The following TTC28 variants were observed in gnomAD, a reference collection of about 807,000 sequenced individuals.
TTC28 encodes the protein tetratricopeptide repeat protein 28.
Under a neutral mutation model 198.0 loss-of-function variants are expected in TTC28, and 61 were observed. That is an observed-to-expected ratio of 0.31 (90% confidence interval 0.25 to 0.38). The LOEUF is 0.38. Ranked by LOEUF, TTC28 falls within the 10% of genes least tolerant of loss-of-function variation. The probability of loss-of-function intolerance (pLI) is 1.00; values close to 1 mark genes in which losing one functional copy is unlikely to be tolerated. For missense variants in TTC28, 2,678 were observed against 3,164.0 expected, an observed-to-expected ratio of 0.85 and a Z score of 3.69; for synonymous variants, 1,171 against 1,297.8, an observed-to-expected ratio of 0.90 and a Z score of 2.10.
intron 2 of TTC28, among the ~76,000 whole-genome samples, chr22:28,395,857 T>C (rs1601335254): frequency 6.6e-6 from 1 of 152,234 alleles, no homozygotes; most frequent in Non-Finnish European, 1.5e-5. Context: ...AACTATGGCT[T>C]ATCTTTCATC....
In TTC28 at chr22:28,297,820, T is replaced by C; in HGVS notation, c.562A>G (p.Lys188Glu). 6.4e-7 allele frequency: 1 copy of C among 1,551,642 alleles called. No homozygotes were observed. The highest frequency in any genetic ancestry group is 1.2e-5 in the South Asian group (1 of 84,058). Residue 188 changes from lysine to glutamate, a missense_variant, in exon 4 of 23, where the codon AAA (lysine) becomes GAA (glutamate). Physicochemically the swap from Lys to Glu is moderately conservative, Grantham distance 56. Around this residue, in one of 8 missense-constraint regions of TTC28, gnomAD observed 176 missense variants for 197.9 expected, o/e 0.89. Coordinates refer to ENST00000397906, the MANE Select transcript of TTC28 (RefSeq NM_001145418.2). Reference sequence around the variant, plus strand: ...AAGGGACTCTTGTCCAGTTTCATTTTCTGAAGCTGCTGATAAGTGGGCTCG... The same window carrying C: ...AAGGGACTCTTGTCCAGTTTCATTTCCTGAAGCTGCTGATAAGTGGGCTCG... ...SLEPTYQQLQ[K>E]MKLDKSPFVV... is the part of the protein sequence containing the mutation.
intron 2 of TTC28, among the ~76,000 whole-genome samples, chr22:28,623,043 G>A (rs1479005607): frequency 6.6e-6 from 1 of 151,906 alleles, no homozygotes. Context: ...GGCTGGTCTC[G>A]AACTCCTAAC....
intron 2 of TTC28, among the ~76,000 whole-genome samples, chr22:28,604,813 A>G (rs929580760): frequency 5.9e-5 from 9 of 152,202 alleles, no homozygotes; most frequent in African/African-American, 1.9e-4. Flanking sequence ...CAAGACTAGT[A>G]GAAACCTTTA....
chr22:28,647,719 G>GT lies in TTC28; in HGVS notation c.103-17890dup, dbSNP rs35080133. The stretch of plus-strand genomic sequence containing the variant: ...CCGGGTGTGGTGGCAGGCGCCTGTA[G>GT]TCCCAGCTACTCGGGAGGCTGAGGC... On this transcript the variant is annotated intron_variant, in intron 1 of 22. Transcript: ENST00000397906. Among the ~76,000 whole-genome samples the GT allele has an allele frequency of 2.7e-3, 403 of 151,670 alleles. 3 individuals carry two copies. The highest frequency in any genetic ancestry group is 9.4e-3 in the African/African-American group (390 of 41,334).
At chr22:28,495,304 A>G (rs2048439302) in intron 2 of TTC28, among the ~76,000 whole-genome samples, 1 of 152,178 alleles carries the variant, frequency 6.6e-6, no homozygotes, top group African/African-American at 2.4e-5. Flanking sequence ...TGAAGACAAA[A>G]AAGATTCTAT....
At chr22:28,391,703 A>T (rs1490860300) in intron 2 of TTC28, among the ~76,000 whole-genome samples, 1 of 152,090 alleles carries the variant, frequency 6.6e-6, no homozygotes, top group East Asian at 1.9e-4. Flanking sequence ...GAGCTCCTTT[A>T]AGCACTTCTC....
At chr22:28,330,481 A>C (rs2045597816) in intron 2 of TTC28, among the ~76,000 whole-genome samples, 1 of 152,166 alleles carries the variant, frequency 6.6e-6, no homozygotes, top group African/African-American at 2.4e-5. Flanking sequence ...TTTTTGCATC[A>C]ATGATGTGAC....
At chr22:28,230,865 A>C (rs1437283841) in intron 5 of TTC28, among the ~76,000 whole-genome samples, 2 of 152,214 alleles carry the variant, frequency 1.3e-5, no homozygotes, top group Non-Finnish European at 2.9e-5. Flanking sequence ...TAGGAAGTCT[A>C]ACCTCATTAC....
chr22:28,254,014 G>A (rs937994021), intron 5 of TTC28, among the ~76,000 whole-genome samples: 4 of 151,896 alleles, frequency 2.6e-5, no homozygotes, highest in African/African-American at 7.2e-5. Context: ...TGAGACAGGA[G>A]GATTGCTTGA....
chr22:28,196,018 G>A (rs4036094), intron 5 of TTC28, among the ~76,000 whole-genome samples: 1,750 of 151,756 alleles, frequency 0.012, 41 homozygotes, highest in African/African-American at 0.04. Flanking sequence ...GAGGCATCAC[G>A]CTACCTGACT....
intron 6 of TTC28, among the ~76,000 whole-genome samples, chr22:28,118,527 G>T (rs967352753): frequency 6.6e-6 from 1 of 152,032 alleles, no homozygotes; most frequent in Non-Finnish European, 1.5e-5. Flanking sequence ...TCTATGTTTA[G>T]ATACACAAAT....
At chr22:28,036,241 T>C (rs1326716754) in intron 12 of TTC28, among the ~76,000 whole-genome samples, 1 of 152,010 alleles carries the variant, frequency 6.6e-6, no homozygotes, top group Non-Finnish European at 1.5e-5. Context: ...TAAAATAAAA[T>C]AAAATTGATT....
intron 2 of TTC28, among the ~76,000 whole-genome samples, chr22:28,391,894 T>A (rs2046728833): frequency 6.6e-6 from 1 of 152,266 alleles, no homozygotes; most frequent in Non-Finnish European, 1.5e-5. Context: ...AGGAACTGCG[T>A]TCCTTTGGAG....
At chr22:28,402,364 A>G (rs1438620753) in intron 2 of TTC28, among the ~76,000 whole-genome samples, 1 of 152,174 alleles carries the variant, frequency 6.6e-6, no homozygotes, top group Non-Finnish European at 1.5e-5. Flanking sequence ...AGTTCACTAA[A>G]AGTCCTGTGG....
intron 2 of TTC28, among the ~76,000 whole-genome samples, chr22:28,440,725 A>G (rs575524884): frequency 3.0e-4 from 46 of 152,220 alleles, no homozygotes; most frequent in Non-Finnish European, 6.0e-4. Flanking sequence ...TATCACTACA[A>G]ATGTGTTAGC....
intron 2 of TTC28, among the ~76,000 whole-genome samples, chr22:28,543,732 C>T (rs1172651123): frequency 6.6e-6 from 1 of 152,126 alleles, no homozygotes; most frequent in Non-Finnish European, 1.5e-5. Context: ...TAAGAGGAGA[C>T]ATTTTCAAAC....
chr22:28,536,239 T>G (rs1266660268), intron 2 of TTC28, among the ~76,000 whole-genome samples: 1 of 146,354 alleles, frequency 6.8e-6, no homozygotes, highest in African/African-American at 2.5e-5. Flanking sequence ...TAATAAATTA[T>G]CCCCTTTATA....
chr22:28,327,675 G>A (rs2045553404), intron 2 of TTC28, among the ~76,000 whole-genome samples: 1 of 152,162 alleles, frequency 6.6e-6, no homozygotes. Flanking sequence ...TGCATGTTTT[G>A]ATTAGAGGAA....
intron 5 of TTC28, among the ~76,000 whole-genome samples, chr22:28,207,126 T>TAGTA (rs1926475308): frequency 6.6e-6 from 1 of 150,518 alleles, no homozygotes. Flanking sequence ...AAATTGAATA[T>TAGTA]AGTACCCTTA....
Sources: gnomAD v4.1 joint callset for allele counts (sites outside exome capture counted in the v4.1 genomes callset) on GRCh38, gnomAD v4.1.1 for gene constraint, gnomAD v4.1.1 regional missense constraint, MANE v1.5 for transcripts, NCBI Gene and HGNC (gene_info 2026-07-23, HGNC 2026-07-21) for gene names.